The following ARHGEF26 variants were observed in gnomAD, a reference collection of about 807,000 sequenced individuals.
ARHGEF26 encodes the protein Rho guanine nucleotide exchange factor (GEF) 26.
ARHGEF26 carries 59 observed loss-of-function variants against 89.4 expected under a neutral mutation model. The ratio of observed to expected loss-of-function variants is 0.66; its 90% CI spans 0.54 to 0.82. ARHGEF26 has a LOEUF of 0.82. Among genes scored for constraint, ARHGEF26 ranks in the 40% least tolerant of loss-of-function variants. The pLI is 0.00. For synonymous variants in ARHGEF26, 500 were observed against 428.4 expected (o/e 1.17, Z -2.06); for missense variants, 1,234 against 1,085.6 (o/e 1.14, Z -1.92).
chr3:154,155,387 T>C (rs1720273000), intron 6 of ARHGEF26, among the ~76,000 whole-genome samples: 1 of 152,014 alleles, frequency 6.6e-6, no homozygotes, highest in Admixed American at 6.6e-5. Context: ...AATGTTAACA[T>C]GTAAGATTGG....
At chr3:154,234,778 T>G (rs568753943) in intron 11 of ARHGEF26, among the ~76,000 whole-genome samples, 1 of 152,298 alleles carries the variant, frequency 6.6e-6, no homozygotes, top group East Asian at 1.9e-4. Context: ...AATTTTAATT[T>G]TTTTTGAAGC....
intron 6 of ARHGEF26, among the ~76,000 whole-genome samples, chr3:154,165,076 G>A (rs1727945): frequency 0.91 from 138,251 of 152,162 alleles, 63,030 homozygotes; most frequent in East Asian, 1. Flanking sequence ...GATCTCATAT[G>A]GTCGTTTGAG....
At chr3:154,161,798 C>T (rs901677646) in intron 6 of ARHGEF26, among the ~76,000 whole-genome samples, 9 of 152,082 alleles carry the variant, frequency 5.9e-5, no homozygotes, top group African/African-American at 2.2e-4. Flanking sequence ...AGGACTAAAA[C>T]CTGAGCTATT....
chr3:154,144,951 A>G, intron 4 of ARHGEF26, among the ~76,000 whole-genome samples: 1 of 152,238 alleles, frequency 6.6e-6, no homozygotes, highest in East Asian at 1.9e-4. Context: ...TCTTTCCTTA[A>G]AAAAAGCGTT....
chr3:154,256,575 ACCTTCC>A lies in ARHGEF26; in HGVS notation c.*1104_*1109del, dbSNP rs1559934048. ...AAAAAAAAAAAAAAAAAAAAAAAAA[ACCTTCC>A]CAAATGAGCTGATAAAAAACTGACG... On this transcript the variant is annotated 3_prime_UTR_variant, in exon 15 of 15. Transcript: ENST00000465093. 18 of 795,110 alleles carry A rather than the reference ACCTTCC, an allele frequency of 2.3e-5. No individual in the cohort carries two copies. Among genetic ancestry groups the A allele is most frequent in the Admixed American group, 1.7e-4 (2 of 11,886 alleles). 49.3% of individuals were successfully genotyped at this position (795,110 alleles called of 1,614,324 possible).
intron 9 of ARHGEF26, among the ~76,000 whole-genome samples, chr3:154,211,139 C>G (rs1715335681): frequency 6.6e-6 from 1 of 152,026 alleles, no homozygotes; most frequent in Non-Finnish European, 1.5e-5. Flanking sequence ...CCAGCACTCA[C>G]TTGGCTGCCA....
In ARHGEF26 at chr3:154,228,427, G is replaced by A. The variant is rs182697459; in HGVS notation, c.2090+2417G>A. 1.5e-4 allele frequency among the ~76,000 whole-genome samples: 23 copies of A among 149,936 alleles called. No individual in the cohort carries two copies. The East Asian group carries it at 2.0e-3, about 13-fold the overall frequency. On this transcript the variant is annotated intron_variant, in intron 11 of 14. Coordinates refer to ENST00000465093, the MANE Select transcript of ARHGEF26 (RefSeq NM_015595.4). ...GCTGGAATTAGAGGCGTGAGCCACCGCACCTGGCCTTTTTTTTTTTTTCTT... is the reference window on the plus strand; with the variant it reads ...GCTGGAATTAGAGGCGTGAGCCACCACACCTGGCCTTTTTTTTTTTTTCTT...
chr3:154,249,927 G>GT (rs921365436), intron 12 of ARHGEF26, among the ~76,000 whole-genome samples: 21 of 152,182 alleles, frequency 1.4e-4, no homozygotes, highest in African/African-American at 5.1e-4. Flanking sequence ...TCGTGGGTAA[G>GT]TCTATGCCCT....
chr3:154,154,965 G>A (rs1020233035), intron 6 of ARHGEF26, among the ~76,000 whole-genome samples: 4 of 151,860 alleles, frequency 2.6e-5, no homozygotes, highest in South Asian at 2.1e-4. Flanking sequence ...GGGTAAATGC[G>A]TATACTATTT....
Position 154,128,540 on chromosome 3 carries a change from C to G in ARHGEF26, c.1124-1034C>G, listed in dbSNP as rs529516367. On this transcript the variant is annotated intron_variant, in intron 3 of 14. Coordinates refer to ENST00000465093, the MANE Select transcript of ARHGEF26 (RefSeq NM_015595.4). ...AAGTGTGAGCCACCATGCCCGCCGG[C>G]CTCAACTCCCATCTTCTGTACTTTC... 2.0e-5 allele frequency among the ~76,000 whole-genome samples: 3 copies of G among 152,280 alleles called. No individual in the cohort carries two copies. The South Asian group carries it at 6.2e-4, about 32-fold the overall frequency.
At chr3:154,218,795 A>T (rs1466795288) in intron 10 of ARHGEF26, among the ~76,000 whole-genome samples, 1 of 152,232 alleles carries the variant, frequency 6.6e-6, no homozygotes, top group Non-Finnish European at 1.5e-5. Context: ...ATATACTAGA[A>T]TTGAGGATCA....
chr3:154,197,180 C>G (rs1349813507), intron 9 of ARHGEF26, among the ~76,000 whole-genome samples: 3 of 152,124 alleles, frequency 2.0e-5, no homozygotes, highest in African/African-American at 7.2e-5. Flanking sequence ...TGAAGGGCAT[C>G]ATTCCTTTCT....
At chr3:154,199,047 TC>T (rs1714460478) in intron 9 of ARHGEF26, among the ~76,000 whole-genome samples, 1 of 152,102 alleles carries the variant, frequency 6.6e-6, no homozygotes, top group Non-Finnish European at 1.5e-5. Context: ...CAAGCATTTA[TC>T]CTTTGAGTTA....
Position 154,184,267 on chromosome 3 carries a change from C to T in ARHGEF26, c.1488-3418C>T, listed in dbSNP as rs909696326. Among the ~76,000 whole-genome samples, 5 of 152,150 alleles carry T rather than the reference C, an allele frequency of 3.3e-5. No individual in the cohort carries two copies. In the East Asian group the frequency reaches 5.8e-4, roughly 18 times the overall value. ...GATTACAGGCGTGAGCCACCGTGCC[C>T]GGCCTTTCAATTTTCTTTAAACAAT... On this transcript the variant is annotated intron_variant, in intron 6 of 14. Coordinates refer to ENST00000465093, the MANE Select transcript of ARHGEF26 (RefSeq NM_015595.4).
At chr3:154,182,004 A>G (rs976362054) in intron 6 of ARHGEF26, among the ~76,000 whole-genome samples, 3 of 151,850 alleles carry the variant, frequency 2.0e-5, no homozygotes, top group African/African-American at 7.3e-5. Flanking sequence ...TATTCCAGGT[A>G]CTATGGCCAA....
intron 6 of ARHGEF26, among the ~76,000 whole-genome samples, chr3:154,181,510 C>T (rs1437246279): frequency 6.6e-6 from 1 of 152,126 alleles, no homozygotes; most frequent in Non-Finnish European, 1.5e-5. Context: ...GAGGAGGGCA[C>T]CGGACAGCGG....
chr3:154,250,585 A>C (rs545920778), intron 12 of ARHGEF26, among the ~76,000 whole-genome samples: 1 of 152,320 alleles, frequency 6.6e-6, no homozygotes, highest in Non-Finnish European at 1.5e-5. Flanking sequence ...GGGCAAAGCC[A>C]CTGCTGATAC....
chr3:154,166,530 C>T (rs1403377337), intron 6 of ARHGEF26, among the ~76,000 whole-genome samples: 1 of 152,128 alleles, frequency 6.6e-6, no homozygotes, highest in East Asian at 1.9e-4. Context: ...AATTGTTGAA[C>T]AACATCTTTG....
At chr3:154,173,476 A>G (rs532894225) in intron 6 of ARHGEF26, among the ~76,000 whole-genome samples, 24 of 152,334 alleles carry the variant, frequency 1.6e-4, no homozygotes, top group African/African-American at 1.2e-4. Flanking sequence ...CAGAGTATCA[A>G]TTATTGCAAT....
Sources: gnomAD v4.1 joint callset for allele counts (sites outside exome capture counted in the v4.1 genomes callset) on GRCh38, gnomAD v4.1.1 for gene constraint, MANE v1.5 for transcripts, NCBI Gene and HGNC (gene_info 2026-07-23, HGNC 2026-07-21) for gene names.